IFI35: variants seen among roughly 807,000 people sequenced by gnomAD.
IFI35 encodes interferon-induced 35 kDa protein.
A neutral mutation model predicts 28.6 loss-of-function variants in IFI35; 30 were observed. The ratio of observed to expected loss-of-function variants is 1.05; its 90% CI spans 0.79 to 1.43. The LOEUF (loss-of-function observed/expected upper bound fraction) is 1.43, where lower values mean the gene tolerates loss of function less well. Among genes scored for constraint, IFI35 ranks in the 40% most tolerant of loss-of-function variants. The pLI is 0.00. For missense variants in IFI35, 372 were observed against 356.9 expected (o/e 1.04, Z -0.34); for synonymous variants, 146 against 154.8 (o/e 0.94, Z 0.42).
rs1452229060 is a variant in IFI35, at chr17:43,013,299, A to C, written c.301A>C (p.Thr101Pro). The change falls in exon 4 of 7, where the codon ACG becomes CCG. Residue 101 changes from threonine (T) to proline (P), a missense_variant. Physicochemically the swap from Thr to Pro is conservative, Grantham distance 38. Coordinates refer to ENST00000415816, the MANE Select transcript of IFI35 (RefSeq NM_001330230.2). The part of the protein sequence containing the change: ...AEQVLQQKEH[T>P]INMEECRLRV... ...GCAGGTGCTGCAACAAAAGGAGCAC[A>C]CGATCAACATGGAGGAGTGCCGGCT... 6.2e-7 allele frequency: 1 copy of C among 1,614,170 alleles called. No individual in the cohort carries two copies. Among genetic ancestry groups the C allele is most frequent in the Admixed American group, 1.7e-5 (1 of 60,022 alleles).
chr17:43,013,549 A>G lies in IFI35; in HGVS notation c.449A>G (p.Glu150Gly). 6.2e-7 allele frequency: 1 copy of G among 1,614,032 alleles called. No individual in the cohort carries two copies. ...FPASLRLSEE[E>G]LLDKLEIFFG... ...GCCAGCCTCAGGCTGAGTGAGGAGG[A>G]GCTGCTGGACAAGCTAGAGATCTTC... The change falls in exon 5 of 7, where the codon GAG becomes GGG. Residue 150 changes from glutamate to glycine, a missense_variant. Coordinates refer to ENST00000415816, the MANE Select transcript of IFI35 (RefSeq NM_001330230.2).
rs779686162 is a variant in IFI35 at position 43,013,555 on chromosome 17, T to C, written c.455T>C (p.Leu152Pro). 7 of 1,614,010 alleles carry C rather than the reference T, an allele frequency of 4.3e-6. No individual in the cohort carries two copies. The highest frequency in any genetic ancestry group is 2.5e-6 in the Non-Finnish European group (3 of 1,180,018). The change falls in exon 5 of 7, where the codon CTG becomes CCG. Residue 152 changes from leucine to proline, a missense_variant. By Grantham distance (98) the Leu-to-Pro change is moderately conservative. Transcript: ENST00000415816. ...CTCAGGCTGAGTGAGGAGGAGCTGC[T>C]GGACAAGCTAGAGATCTTCTTTGGC... ...ASLRLSEEELLDKLEIFFGKT... is the reference protein window; with the variant it reads ...ASLRLSEEELPDKLEIFFGKT...
rs558267437 is a variant in IFI35, at chr17:43,012,054, G to C, written c.22-125G>C. 1.4e-4 allele frequency: 90 copies of C among 645,296 alleles called. No homozygotes were observed. The African/African-American group carries it at 1.5e-3, about 11-fold the overall frequency. 40.0% of individuals were successfully genotyped at this position (645,296 alleles called of 1,614,324 possible). On this transcript the variant is annotated intron_variant, in intron 1 of 6. Coordinates refer to ENST00000415816, the MANE Select transcript of IFI35 (RefSeq NM_001330230.2). ...AGCCCAGGGCAGCACAAAGGGGTTG[G>C]GTTGTTCTTGAGCTTAGCATCAACT... is the stretch of plus-strand genomic sequence containing the variant.
chr17:43,009,924 C>T (rs1199078303), intron 1 of IFI35, among the ~76,000 whole-genome samples: 1 of 150,584 alleles, frequency 6.6e-6, no homozygotes. Context: ...CAGAGGGAGA[C>T]TCCGTCTCAG....
At position 43,013,660 on chromosome 17, in the gene IFI35, G is replaced by A. The variant is rs374153933; in HGVS notation, c.560G>A (p.Gly187Glu). The A allele has an allele frequency of 1.5e-5, 25 of 1,613,868 alleles. No homozygotes were observed. Among genetic ancestry groups the A allele is most frequent in the African/African-American group, 4.0e-5 (3 of 74,922 alleles). ...GTCATGCTGGGGTTTGCTAGGGATG[G>A]AGGTGAGGGCTATGCAGGCCTCCTG... Reference protein sequence around the residue: ...GSVMLGFARDGVAQRLCQIGQ... With the variant: ...GSVMLGFARDEVAQRLCQIGQ... Residue 187 changes from glycine (G) to glutamate (E), a missense_variant and splice_region_variant, in exon 5 of 7, where the codon GGA (glycine) becomes GAA (glutamate). Physicochemically the swap from Gly to Glu is moderately conservative, Grantham distance 98. Coordinates refer to ENST00000415816, the MANE Select transcript of IFI35 (RefSeq NM_001330230.2).
intron 1 of IFI35, among the ~76,000 whole-genome samples, chr17:43,007,847 T>TATATATATA (rs2050421792): frequency 8.4e-6 from 1 of 119,062 alleles, no homozygotes; most frequent in African/African-American, 3.9e-5. Flanking sequence ...CACACAAAAT[T>TATATATATA]TATATATATA....
intron 1 of IFI35, among the ~76,000 whole-genome samples, chr17:43,007,272 C>T (rs984788404): frequency 6.6e-6 from 1 of 152,062 alleles, no homozygotes; most frequent in Non-Finnish European, 1.5e-5. Flanking sequence ...CTAGGCCGGG[C>T]GTGGTGTCTC....
At chr17:43,014,453 GCCATGATGTTCTT>G (rs1948396700) in exon 7 of IFI35, 5 of 454,792 alleles carry the variant, frequency 1.1e-5, no homozygotes, top group South Asian at 2.7e-4. Flanking sequence ...GAGCCTGCAT[GCCATGATGTTCTT>G]CCTCATTTCA....
intron 1 of IFI35, 97 bp downstream of exon 1, chr17:43,007,065 C>T: frequency 7.6e-7 from 1 of 1,318,320 alleles, no homozygotes; most frequent in Non-Finnish European, 1.1e-6. Context: ...CCAAGCCTCA[C>T]CCTGCCCATC....
At position 43,013,795 on chromosome 17, in the gene IFI35, A is replaced by G; in HGVS notation, c.582A>G (p.Gln194=). 1 of 1,613,328 alleles carries G rather than the reference A, an allele frequency of 6.2e-7. No homozygotes were observed. The highest frequency in any genetic ancestry group is 8.5e-7 in the Non-Finnish European group (1 of 1,179,622). ...CCACAGTGGCTCAGCGTCTGTGCCA[A>G]ATCGGCCAGTTCACAGTGCCACTGG... ...ARDGVAQRLC[Q]IGQFTVPLGG... The change falls in exon 6 of 7, where the codon CAA becomes CAG. Residue 194 remains glutamine, a synonymous_variant. Transcript: ENST00000415816.
At chr17:43,013,399 C>T (rs1397892965) in intron 4 of IFI35, 26 bp downstream of exon 4, 7 of 1,612,272 alleles carry the variant, frequency 4.3e-6, no homozygotes, top group Non-Finnish European at 5.1e-6. Context: ...AATCCTGGGG[C>T]ATGCAAAGCA....
At position 43,013,327 on chromosome 17, in the gene IFI35, G is replaced by C; in HGVS notation, c.329G>C (p.Arg110Pro). The change falls in exon 4 of 7, where the codon CGG becomes CCG. Residue 110 changes from arginine to proline, a missense_variant. Coordinates refer to ENST00000415816, the MANE Select transcript of IFI35 (RefSeq NM_001330230.2). Reference protein sequence around the residue: ...HTINMEECRLRVQVQPLELPM... With the variant: ...HTINMEECRLPVQVQPLELPM... ...ATCAACATGGAGGAGTGCCGGCTGC[G>C]GGTGCAGGTCCAGCCCTTGGAGCTG... The C allele has an allele frequency of 6.2e-7, 1 of 1,614,146 alleles. No individual in the cohort carries two copies. The highest frequency in any genetic ancestry group is 8.5e-7 in the Non-Finnish European group (1 of 1,180,032).
rs2050487749 is a variant in IFI35 at position 43,013,632 on chromosome 17, AGTGTCATGCTGG to A, written c.534_545del (p.Ser178_Gly182delinsArg). ...GGACGTTCGGGAGCTACTGCCAGGG[AGTGTCATGCTGG>A]GGTTTGCTAGGGATGGAGGTGAGGG... On this transcript the variant is annotated inframe_deletion, in exon 5 of 7. Transcript: ENST00000415816. 1 of 1,613,890 alleles carries A rather than the reference AGTGTCATGCTGG, an allele frequency of 6.2e-7. No homozygotes were observed. Among genetic ancestry groups the A allele is most frequent in the African/African-American group, 1.3e-5 (1 of 74,892 alleles).
chr17:43,012,466 C>A, intron 2 of IFI35, 189 bp downstream of exon 2: 1 of 417,886 alleles, frequency 2.4e-6, no homozygotes, highest in Non-Finnish European at 4.4e-6. Flanking sequence ...TTAGGCCGGG[C>A]GCAGTGGCTC....
At chr17:43,014,027 C>A in intron 6 of IFI35, 81 bp from the exon 7 acceptor site, 1 of 1,435,466 alleles carries the variant, frequency 7.0e-7, no homozygotes, top group East Asian at 2.3e-5. Flanking sequence ...ACCTCATACC[C>A]CCATGGGGCA....
intron 6 of IFI35, 95 bp downstream of exon 6, chr17:43,013,977 C>T: frequency 1.6e-6 from 2 of 1,279,288 alleles, no homozygotes; most frequent in Non-Finnish European, 2.2e-6. Context: ...CCAAACCCCA[C>T]TGACCTACCT....
In IFI35 at chr17:43,013,526, C is replaced by T; in HGVS notation, c.426C>T (p.Ala142=). The T allele has an allele frequency of 6.2e-7, 1 of 1,614,100 alleles. No homozygotes were observed. Among genetic ancestry groups the T allele is most frequent in the Non-Finnish European group, 8.5e-7 (1 of 1,179,992 alleles). ...GGGTGTTGGTCACTGGATTTCCTGC[C>T]AGCCTCAGGCTGAGTGAGGAGGAGC... ...GRRVLVTGFP[A]SLRLSEEELL... The change falls in exon 5 of 7, where the codon GCC becomes GCT. Residue 142 remains alanine (A), a synonymous_variant. Coordinates refer to ENST00000415816, the MANE Select transcript of IFI35 (RefSeq NM_001330230.2).
rs745427207 is a variant in IFI35 at position 43,014,399 on chromosome 17, C to G, written c.*100C>G. 6.6e-6 allele frequency: 5 copies of G among 756,532 alleles called. No individual in the cohort carries two copies. In the East Asian group the frequency reaches 1.5e-4, roughly 22 times the overall value. The allele number at this position is 756,532 out of a possible 1,614,324, so 46.9% of individuals were successfully genotyped here. ...GAGGTCTGTATGTTCACCAACAGTG[C>G]GGAGGGGTCACACATTGCAAAACAC... On this transcript the variant is annotated 3_prime_UTR_variant, in exon 7 of 7. Coordinates refer to ENST00000415816, the MANE Select transcript of IFI35 (RefSeq NM_001330230.2).
chr17:43,012,455 A>C, intron 2 of IFI35, 178 bp downstream of exon 2: 2 of 441,288 alleles, frequency 4.5e-6, no homozygotes, highest in Non-Finnish European at 8.2e-6. Context: ...AAATACAAAA[A>C]TTAGGCCGGG....
Sources: gnomAD v4.1 joint callset for allele counts (sites outside exome capture counted in the v4.1 genomes callset) on GRCh38, gnomAD v4.1.1 for gene constraint, MANE v1.5 for transcripts, NCBI Gene and HGNC (gene_info 2026-07-23, HGNC 2026-07-21) for gene names.